The following CNTNAP4 variants were observed in gnomAD, a reference collection of about 807,000 sequenced individuals.
The protein encoded by CNTNAP4 is contactin associated protein family member 4, also known as contactin-associated protein-like 4.
A neutral mutation model predicts 148.4 loss-of-function variants in CNTNAP4; 98 were observed. The ratio of observed to expected loss-of-function variants is 0.66; its 90% CI spans 0.56 to 0.78. CNTNAP4 has a LOEUF of 0.78. CNTNAP4 is among the 30% of genes least tolerant of loss of function. The pLI is 0.00. For synonymous variants in CNTNAP4, 730 were observed against 565.1 expected, an observed-to-expected ratio of 1.29 and a Z score of -4.14; for missense variants, 1,935 against 1,565.6, an observed-to-expected ratio of 1.24 and a Z score of -3.98.
At chr16:76,371,161 T>G (rs574822008) in intron 3 of CNTNAP4, among the ~76,000 whole-genome samples, 4 of 152,310 alleles carry the variant, frequency 2.6e-5, no homozygotes, top group African/African-American at 9.6e-5. Flanking sequence ...GCTTTCTATG[T>G]GGGAAAAAAT....
chr16:76,527,977 T>G (rs2083812490), intron 17 of CNTNAP4, among the ~76,000 whole-genome samples: 2 of 152,162 alleles, frequency 1.3e-5, no homozygotes, highest in African/African-American at 4.8e-5. Context: ...TTTCCAGCAT[T>G]AAGTAGTTTT....
chr16:76,325,898 A>G (rs897414140), intron 2 of CNTNAP4, among the ~76,000 whole-genome samples: 2 of 152,150 alleles, frequency 1.3e-5, no homozygotes, highest in Admixed American at 6.5e-5. Context: ...AAATGTTTCA[A>G]AAACAAACCT....
chr16:76,372,099 A>G (rs1349959524), intron 3 of CNTNAP4, among the ~76,000 whole-genome samples: 1 of 147,114 alleles, frequency 6.8e-6, no homozygotes, highest in South Asian at 2.1e-4. Flanking sequence ...ATTTCATTCT[A>G]CTTATATGTT....
intron 8 of CNTNAP4, among the ~76,000 whole-genome samples, chr16:76,453,498 C>T (rs1597592875): frequency 6.6e-6 from 1 of 152,158 alleles, no homozygotes; most frequent in South Asian, 2.1e-4. Flanking sequence ...AAAAGCTCTA[C>T]ATCACATTTT....
intron 17 of CNTNAP4, among the ~76,000 whole-genome samples, chr16:76,535,127 C>G (rs1400986198): frequency 6.6e-6 from 1 of 152,164 alleles, no homozygotes; most frequent in Non-Finnish European, 1.5e-5. Context: ...CTTCATAATT[C>G]TCACAAAGTT....
At chr16:76,455,305 A>C (rs996122627) in intron 8 of CNTNAP4, among the ~76,000 whole-genome samples, 1 of 152,344 alleles carries the variant, frequency 6.6e-6, no homozygotes, top group South Asian at 2.1e-4. Flanking sequence ...TTTGCGTAAC[A>C]GTGAAAATCA....
rs145869326 is a variant in CNTNAP4 at position 76,354,832 on chromosome 16, T to G, written c.197-486T>G. On this transcript the variant is annotated intron_variant, in intron 2 of 23. Transcript: ENST00000611870. The stretch of plus-strand genomic sequence containing the variant: ...TTGAGGCCAGGAACTATTTCTTGAC[T>G]TTTGTTTTCCCAGACTTAACAATGT... Among the ~76,000 whole-genome samples the G allele has an allele frequency of 4.4e-3, 666 of 152,322 alleles. 5 individuals carry two copies. The highest frequency in any genetic ancestry group is 0.01 in the African/African-American group (429 of 41,584).
chr16:76,433,790 A>G (rs1337741323), intron 4 of CNTNAP4, among the ~76,000 whole-genome samples: 1 of 152,136 alleles, frequency 6.6e-6, no homozygotes, highest in African/African-American at 2.4e-5. Context: ...GCTAACTGCT[A>G]AAAGCTGGAG....
intron 3 of CNTNAP4, among the ~76,000 whole-genome samples, chr16:76,386,299 A>C (rs2016509620): frequency 6.6e-6 from 1 of 152,226 alleles, no homozygotes; most frequent in African/African-American, 2.4e-5. Context: ...TCTGTTTATA[A>C]AAACTAGCCT....
At position 76,476,043 on chromosome 16, in the gene CNTNAP4, A is replaced by G; in HGVS notation, c.1760A>G (p.Asn587Ser). Residue 587 changes from asparagine (N) to serine (S), a missense_variant and splice_region_variant, in exon 11 of 24, where the codon AAC becomes AGC. Transcript: ENST00000611870. ...NTGYRGATCHNSIYEQSCEAY... is the reference protein window; with the variant it reads ...NTGYRGATCHSSIYEQSCEAY... ...GGTTACAGAGGAGCTACTTGCCATA[A>G]CTGTAAGCGGAACACATCTGCTTTT... 6.2e-7 allele frequency: 1 copy of G among 1,606,368 alleles called. No homozygotes were observed. The highest frequency in any genetic ancestry group is 8.5e-7 in the Non-Finnish European group (1 of 1,173,062).
At chr16:76,333,021 T>C (rs1197289408) in intron 2 of CNTNAP4, among the ~76,000 whole-genome samples, 1 of 152,212 alleles carries the variant, frequency 6.6e-6, no homozygotes, top group African/African-American at 2.4e-5. Context: ...TACACATGTA[T>C]TCACTTTACA....
intron 8 of CNTNAP4, among the ~76,000 whole-genome samples, chr16:76,460,274 A>AT (rs148665468): frequency 6.6e-6 from 1 of 151,510 alleles, no homozygotes; most frequent in East Asian, 2.0e-4. Flanking sequence ...CGCCTGGCTA[A>AT]TTTTTTGTAT....
intron 2 of CNTNAP4, among the ~76,000 whole-genome samples, chr16:76,338,732 G>A (rs12325022): frequency 0.11 from 17,242 of 152,146 alleles, 1,270 homozygotes; most frequent in East Asian, 0.33. Context: ...TGTTTTCAGG[G>A]TTTGCCTGAC....
At chr16:76,469,598 A>G (rs1361029853) in intron 10 of CNTNAP4, 2 of 152,204 alleles carry the variant, frequency 1.3e-5, no homozygotes, top group Non-Finnish European at 2.9e-5. Flanking sequence ...CTGTGTGGAC[A>G]TGTTCTGGAG....
At chr16:76,411,387 G>A (rs1320555599) in intron 3 of CNTNAP4, among the ~76,000 whole-genome samples, 2 of 151,332 alleles carry the variant, frequency 1.3e-5, no homozygotes, top group African/African-American at 4.8e-5. Context: ...ACAGGTAAAT[G>A]AGGAATAATT....
In CNTNAP4 at chr16:76,285,437, C is replaced by T. The variant is rs115466336; in HGVS notation, c.85+7690C>T. Reference sequence around the variant, plus strand: ...TATCTCCAAGGTTTTTAAATCACAACGGAAAAAAATGGTGTGATATTATCA... The same window carrying T: ...TATCTCCAAGGTTTTTAAATCACAATGGAAAAAAATGGTGTGATATTATCA... On this transcript the variant is annotated intron_variant, in intron 1 of 23. Transcript: ENST00000611870. Among the ~76,000 whole-genome samples the T allele has an allele frequency of 7.7e-3, 1,169 of 151,870 alleles. 13 individuals are homozygous for T. The highest frequency in any genetic ancestry group is 0.026 in the African/African-American group (1,072 of 41,438).
chr16:76,488,392 A>C (rs780588249), intron 12 of CNTNAP4, among the ~76,000 whole-genome samples: 1 of 152,162 alleles, frequency 6.6e-6, no homozygotes, highest in African/African-American at 2.4e-5. Flanking sequence ...AATAACAGCT[A>C]TTGTTTCGCA....
chr16:76,356,501 G>A (rs893875326), intron 3 of CNTNAP4, among the ~76,000 whole-genome samples: 13 of 152,152 alleles, frequency 8.5e-5, no homozygotes, highest in African/African-American at 3.1e-4. Flanking sequence ...AATAAACCTG[G>A]ATATGGCATA....
chr16:76,464,674 G>C (rs142060771), intron 9 of CNTNAP4, among the ~76,000 whole-genome samples: 2 of 152,134 alleles, frequency 1.3e-5, no homozygotes, highest in African/African-American at 4.8e-5. Flanking sequence ...CAACAGCCCG[G>C]GTTATACCTC....
Sources: allele counts gnomAD v4.1 joint callset (sites outside exome capture counted in the v4.1 genomes callset), GRCh38; gene constraint gnomAD v4.1.1; transcripts MANE v1.5; gene names NCBI Gene and HGNC (gene_info 2026-07-23, HGNC 2026-07-21).